TMEM217: variants seen among roughly 807,000 people sequenced by gnomAD.
TMEM217 encodes transmembrane protein 217.
For missense variants in TMEM217, 204 were observed against 248.8 expected (o/e 0.82, Z 1.21); for synonymous variants, 76 against 88.3 (o/e 0.86, Z 0.78).
intron 1 of TMEM217, among the ~76,000 whole-genome samples, chr6:37,228,428 G>T (rs1763965441): frequency 6.6e-6 from 1 of 152,334 alleles, no homozygotes; most frequent in South Asian, 2.1e-4. Flanking sequence ...ATAAGGCCAG[G>T]CGTGATGGCT....
intron 1 of TMEM217, among the ~76,000 whole-genome samples, chr6:37,224,099 G>A (rs1168801912): frequency 1.3e-5 from 2 of 151,188 alleles, no homozygotes; most frequent in African/African-American, 4.9e-5. Context: ...ACCATGCCTG[G>A]CTCATTTTTT....
At chr6:37,239,378 C>T (rs1764647845) in intron 1 of TMEM217, among the ~76,000 whole-genome samples, 1 of 151,856 alleles carries the variant, frequency 6.6e-6, no homozygotes. Flanking sequence ...GTCCCAGCTA[C>T]TTGGGAGGAC....
intron 1 of TMEM217, among the ~76,000 whole-genome samples, chr6:37,241,629 G>A (rs1158122795): frequency 6.6e-6 from 1 of 152,144 alleles, no homozygotes; most frequent in Non-Finnish European, 1.5e-5. Context: ...TGGATTCTGG[G>A]TCATCCCTGG....
At chr6:37,212,256 A>G in exon 4 of TMEM217, 1 of 345,662 alleles carries the variant, frequency 2.9e-6, no homozygotes, top group South Asian at 2.2e-5. Flanking sequence ...AAAATAATTG[A>G]TCCGCACAAC....
At chr6:37,256,077 A>G (rs755722221) in intron 1 of TMEM217, among the ~76,000 whole-genome samples, 7 of 152,248 alleles carry the variant, frequency 4.6e-5, no homozygotes, top group Non-Finnish European at 8.8e-5. Context: ...TGCTTTCCAC[A>G]TAGTAAAATG....
intron 1 of TMEM217, among the ~76,000 whole-genome samples, chr6:37,223,434 A>G (rs1323616171): frequency 6.6e-6 from 1 of 152,244 alleles, no homozygotes; most frequent in Non-Finnish European, 1.5e-5. Context: ...CCATGGAATA[A>G]TATTTTAATT....
At chr6:37,239,577 G>T (rs1346751208) in intron 1 of TMEM217, among the ~76,000 whole-genome samples, 1 of 152,200 alleles carries the variant, frequency 6.6e-6, no homozygotes, top group East Asian at 1.9e-4. Context: ...TATTTCAGTG[G>T]TACCTAAGAT....
chr6:37,219,128 C>A, intron 1 of TMEM217, 87 bp from the exon 2 acceptor site: 1 of 1,209,064 alleles, frequency 8.3e-7, no homozygotes, highest in Non-Finnish European at 1.2e-6. Context: ...CCCAAATCTA[C>A]TTTGGAGAAA....
At chr6:37,230,349 G>C (rs1449455307) in intron 1 of TMEM217, among the ~76,000 whole-genome samples, 1 of 152,210 alleles carries the variant, frequency 6.6e-6, no homozygotes, top group African/African-American at 2.4e-5. Context: ...ATACGAGGGG[G>C]CAAAGGCCAT....
In TMEM217 at chr6:37,222,757, T is replaced by G. The variant is rs75756736; in HGVS notation, c.-11-3716A>C. 3.4e-4 allele frequency among the ~76,000 whole-genome samples: 51 copies of G among 152,218 alleles called. No homozygotes were observed. The East Asian group carries it at 9.5e-3, about 28-fold the overall frequency. The stretch of plus-strand genomic sequence containing the variant: ...CTGCTCCGTAGAGCCGGAGGTGGGG[T>G]CTACGGCTTTGGTTTGGGCGGCTGC... On this transcript the variant is annotated intron_variant, in intron 1 of 1. Coordinates refer to ENST00000357219, the Ensembl canonical transcript of TMEM217.
intron 1 of TMEM217, among the ~76,000 whole-genome samples, chr6:37,226,672 C>T (rs1349961329): frequency 6.6e-6 from 1 of 152,104 alleles, no homozygotes; most frequent in African/African-American, 2.4e-5. Flanking sequence ...AGCGATTCTC[C>T]TGCCTCAGCC....
chr6:37,251,407 T>C (rs924597920), intron 1 of TMEM217, among the ~76,000 whole-genome samples: 2 of 152,090 alleles, frequency 1.3e-5, no homozygotes, highest in Non-Finnish European at 2.9e-5. Context: ...CATGAGATAA[T>C]GTATAAAGAA....
chr6:37,217,628 CAT>C (rs1276151805), downstream of TMEM217: 1 of 985,124 alleles, frequency 1.0e-6, no homozygotes, highest in African/African-American at 1.7e-5. Flanking sequence ...AAATTCGAGA[CAT>C]AAATTGAAGG....
chr6:37,228,764 G>A (rs1010133082), intron 1 of TMEM217, among the ~76,000 whole-genome samples: 5 of 151,922 alleles, frequency 3.3e-5, no homozygotes, highest in African/African-American at 9.7e-5. Flanking sequence ...TTGGGAGGCC[G>A]AGGCAGGCGG....
intron 1 of TMEM217, among the ~76,000 whole-genome samples, chr6:37,255,512 A>T (rs1765666210): frequency 6.6e-6 from 1 of 152,048 alleles, no homozygotes; most frequent in Admixed American, 6.6e-5. Flanking sequence ...GTGAAACTTC[A>T]TCTCTACAAA....
intron 1 of TMEM217, among the ~76,000 whole-genome samples, chr6:37,231,613 G>A (rs1282694722): frequency 1.6e-4 from 24 of 148,228 alleles, no homozygotes; most frequent in East Asian, 1.0e-3. Context: ...GTGGGGTTGC[G>A]GTGAGCCGAG....
At chr6:37,215,495 C>T (rs1976009), downstream of TMEM217, among the ~76,000 whole-genome samples, 83,942 of 142,832 alleles carry the variant, frequency 0.59, 25,090 homozygotes, top group East Asian at 0.84. Flanking sequence ...AATCAGGACC[C>T]GGGAGGTAGA....
chr6:37,257,357 G>A (rs1241655578), intron 1 of TMEM217, among the ~76,000 whole-genome samples: 1 of 152,204 alleles, frequency 6.6e-6, no homozygotes, highest in Non-Finnish European at 1.5e-5. Flanking sequence ...TAAACGGAAT[G>A]AGGAAAGGAG....
At chr6:37,222,551 C>T (rs1763590029) in intron 1 of TMEM217, among the ~76,000 whole-genome samples, 1 of 152,210 alleles carries the variant, frequency 6.6e-6, no homozygotes, top group Non-Finnish European at 1.5e-5. Context: ...TTGTCCCTGG[C>T]TCCTGCCTGC....
Sources: allele counts gnomAD v4.1 joint callset (sites outside exome capture counted in the v4.1 genomes callset), GRCh38; gene constraint gnomAD v4.1.1; transcripts MANE v1.5; gene names NCBI Gene and HGNC (gene_info 2026-07-23, HGNC 2026-07-21).